Variants in LRRC4C observed in about 807,000 individuals in gnomAD.
LRRC4C encodes the protein leucine-rich repeat-containing protein 4C.
In LRRC4C, 5 loss-of-function variants were observed where a neutral mutation model predicts 33.6. The observed-to-expected ratio is 0.15, with a 90% CI of 0.08 to 0.31. The LOEUF (loss-of-function observed/expected upper bound fraction) is 0.31, where lower values mean the gene tolerates loss of function less well. Ranked by LOEUF, LRRC4C falls within the 10% of genes least tolerant of loss-of-function variation. The pLI is 1.00. For missense variants in LRRC4C, 560 were observed against 796.7 expected, an observed-to-expected ratio of 0.70 and a Z score of 3.58; for synonymous variants, 329 against 302.0, an observed-to-expected ratio of 1.09 and a Z score of -0.93.
intron 4 of LRRC4C, among the ~76,000 whole-genome samples, chr11:40,261,911 T>C (rs533055857): frequency 1.4e-4 from 21 of 152,252 alleles, no homozygotes; most frequent in African/African-American, 4.6e-4. Flanking sequence ...ATTTAGGACA[T>C]AGGCATGGGC....
chr11:40,861,131 A>C (rs1389910530), intron 2 of LRRC4C, among the ~76,000 whole-genome samples: 1 of 152,168 alleles, frequency 6.6e-6, no homozygotes, highest in Non-Finnish European at 1.5e-5. Context: ...ATATATTATA[A>C]TACCTTCTTG....
At chr11:40,897,301 G>T (rs1955989225) in intron 2 of LRRC4C, among the ~76,000 whole-genome samples, 1 of 152,132 alleles carries the variant, frequency 6.6e-6, no homozygotes, top group Non-Finnish European at 1.5e-5. Context: ...TTAAAAACAG[G>T]AAAATCAATT....
At chr11:40,869,482 A>G (rs1031240713) in intron 2 of LRRC4C, among the ~76,000 whole-genome samples, 2 of 152,278 alleles carry the variant, frequency 1.3e-5, no homozygotes, top group Admixed American at 6.5e-5. Context: ...AGACAGAAAC[A>G]TCTGAAACTG....
rs202029378 is a variant in LRRC4C at position 40,473,997 on chromosome 11, GAATC to G, written c.-269-154280_-269-154277del. Among the ~76,000 whole-genome samples the G allele has an allele frequency of 1.9e-4, 29 of 152,204 alleles. 1 individual carries two copies. The East Asian group carries it at 4.4e-3, about 23-fold the overall frequency. ...AACGTTCCATGGTCATGGATAGAAA[GAATC>G]AATATCATGAAAATGGCCATACTTC... On this transcript the variant is annotated intron_variant, in intron 3 of 6. Coordinates refer to ENST00000528697, the MANE Select transcript of LRRC4C (RefSeq NM_001258419.2).
At chr11:40,598,880 G>A (rs1383208152) in intron 3 of LRRC4C, among the ~76,000 whole-genome samples, 1 of 152,106 alleles carries the variant, frequency 6.6e-6, no homozygotes, top group Non-Finnish European at 1.5e-5. Flanking sequence ...TGGGGAGATA[G>A]CAGAGTGAAA....
chr11:40,857,111 C>T (rs1953826403), intron 2 of LRRC4C, among the ~76,000 whole-genome samples: 1 of 152,170 alleles, frequency 6.6e-6, no homozygotes, highest in Admixed American at 6.5e-5. Context: ...CCAAATTTCT[C>T]TATTTCTTTA....
At chr11:41,243,444 G>C (rs1445071231) in intron 1 of LRRC4C, among the ~76,000 whole-genome samples, 1 of 152,132 alleles carries the variant, frequency 6.6e-6, no homozygotes, top group Non-Finnish European at 1.5e-5. Flanking sequence ...GCCAACTATT[G>C]ATAACTATTC....
intron 4 of LRRC4C, among the ~76,000 whole-genome samples, chr11:40,316,477 G>C (rs192157969): frequency 6.6e-6 from 1 of 151,934 alleles, no homozygotes; most frequent in South Asian, 2.1e-4. Context: ...AAAGAAGACA[G>C]AAGTAAACAT....
intron 1 of LRRC4C, among the ~76,000 whole-genome samples, chr11:40,937,146 A>G (rs992861087): frequency 6.6e-6 from 1 of 152,198 alleles, no homozygotes; most frequent in African/African-American, 2.4e-5. Flanking sequence ...AAAATAGAAT[A>G]AAATCATGTC....
At chr11:40,731,094 C>T (rs1021783306) in intron 2 of LRRC4C, among the ~76,000 whole-genome samples, 9 of 152,088 alleles carry the variant, frequency 5.9e-5, no homozygotes, top group Middle Eastern at 3.4e-3. Context: ...CCAAGGCAGG[C>T]GGATCACGAG....
At chr11:41,312,189 T>A (rs1344023840) in intron 1 of LRRC4C, among the ~76,000 whole-genome samples, 1 of 152,192 alleles carries the variant, frequency 6.6e-6, no homozygotes, top group Non-Finnish European at 1.5e-5. Context: ...GGGTTTTCTG[T>A]CTTTCCCATA....
intron 1 of LRRC4C, among the ~76,000 whole-genome samples, chr11:41,186,337 C>T (rs904967681): frequency 5.3e-5 from 8 of 152,074 alleles, no homozygotes; most frequent in African/African-American, 1.9e-4. Flanking sequence ...TCTTTTAGTG[C>T]CACTAAATAT....
chr11:40,554,321 A>G (rs1957246274), intron 3 of LRRC4C, among the ~76,000 whole-genome samples: 2 of 152,208 alleles, frequency 1.3e-5, no homozygotes, highest in Non-Finnish European at 2.9e-5. Flanking sequence ...TACCTGTACC[A>G]TACTGTTTTA....
At chr11:40,584,964 A>G (rs1380709156) in intron 3 of LRRC4C, among the ~76,000 whole-genome samples, 1 of 151,278 alleles carries the variant, frequency 6.6e-6, no homozygotes, top group Non-Finnish European at 1.5e-5. Flanking sequence ...AAAAAAAAAA[A>G]AAGAAAGTTT....
chr11:40,457,070 G>A (rs1952166136), intron 3 of LRRC4C, among the ~76,000 whole-genome samples: 6 of 132,824 alleles, frequency 4.5e-5, no homozygotes, highest in African/African-American at 1.1e-4. Context: ...CAACAGCTCA[G>A]AATTTTAGCT....
chr11:41,087,284 A>G (rs985041357), intron 1 of LRRC4C, among the ~76,000 whole-genome samples: 4 of 152,130 alleles, frequency 2.6e-5, no homozygotes, highest in South Asian at 2.1e-4. Flanking sequence ...GGCTAGCTCA[A>G]TCTCCAAAAC....
At chr11:40,679,737 G>A (rs754585402) in intron 2 of LRRC4C, among the ~76,000 whole-genome samples, 4 of 152,232 alleles carry the variant, frequency 2.6e-5, no homozygotes, top group Non-Finnish European at 5.9e-5. Context: ...TCAGATGTAT[G>A]AGGATGCCTG....
At chr11:41,007,643 C>T (rs1405659583) in intron 1 of LRRC4C, among the ~76,000 whole-genome samples, 1 of 152,120 alleles carries the variant, frequency 6.6e-6, no homozygotes, top group Non-Finnish European at 1.5e-5. Context: ...TGTCATTGAA[C>T]AGGTGATGTA....
chr11:41,263,128 G>A lies in LRRC4C; in HGVS notation c.-496+196303C>T, dbSNP rs544385667. On this transcript the variant is annotated intron_variant, in intron 1 of 6. Transcript: ENST00000528697. ...TCTATCTAAGGTTTCAACATCAGTC[G>A]TGTTAGAAATGAAATTTACTAACCA... 2.1e-4 allele frequency among the ~76,000 whole-genome samples: 32 copies of A among 152,194 alleles called. No individual in the cohort carries two copies. The East Asian group carries it at 6.0e-3, about 28-fold the overall frequency.
Sources: allele counts gnomAD v4.1 joint callset (sites outside exome capture counted in the v4.1 genomes callset), GRCh38; gene constraint gnomAD v4.1.1; transcripts MANE v1.5; gene names NCBI Gene and HGNC (gene_info 2026-07-23, HGNC 2026-07-21).